KSR2: variants seen among roughly 807,000 people sequenced by gnomAD.
KSR2 encodes kinase suppressor of ras 2.
KSR2 carries 25 observed loss-of-function variants against 107.8 expected under a neutral mutation model. The observed-to-expected ratio is 0.23, with a 90% confidence interval of 0.17 to 0.32. The LOEUF is 0.32. Among genes scored for constraint, KSR2 ranks in the 10% least tolerant of loss-of-function variants. KSR2 has a pLI of 1.00. For missense variants in KSR2, 887 were observed against 1,268.9 expected (o/e 0.70, Z 4.57); for synonymous variants, 480 against 507.0 (o/e 0.95, Z 0.71).
At chr12:117,861,175 C>T (rs1893276385) in intron 1 of KSR2, among the ~76,000 whole-genome samples, 2 of 152,078 alleles carry the variant, frequency 1.3e-5, no homozygotes, top group South Asian at 2.1e-4. Flanking sequence ...GTAGGAGACT[C>T]GTTACATAAA....
chr12:117,698,188 C>T (rs1214314355), intron 4 of KSR2, among the ~76,000 whole-genome samples: 2 of 152,190 alleles, frequency 1.3e-5, no homozygotes, highest in East Asian at 1.9e-4. Flanking sequence ...CAGTAAATTT[C>T]TGTTGTTTAA....
chr12:117,518,436 G>A (rs1429063207), intron 14 of KSR2, among the ~76,000 whole-genome samples: 1 of 152,178 alleles, frequency 6.6e-6, no homozygotes, highest in Non-Finnish European at 1.5e-5. Flanking sequence ...CCCCACATAG[G>A]TGGAAATGGC....
At chr12:117,522,846 C>T (rs980761721) in intron 14 of KSR2, among the ~76,000 whole-genome samples, 2 of 152,146 alleles carry the variant, frequency 1.3e-5, no homozygotes, top group South Asian at 4.1e-4. Context: ...CAGAGCTGAC[C>T]ACAGCCAACT....
At chr12:117,689,121 A>G (rs1379714766) in intron 4 of KSR2, among the ~76,000 whole-genome samples, 4 of 152,224 alleles carry the variant, frequency 2.6e-5, no homozygotes, top group East Asian at 3.8e-4. Flanking sequence ...ATGTCCAAAC[A>G]TTATATAAAT....
rs1042118526 is a variant in KSR2, at chr12:117,531,007, A to T, written c.1736T>A (p.Val579Glu). Residue 579 changes from valine to glutamate, a missense_variant, in exon 12 of 20, where the codon GTG (valine) becomes GAG (glutamate). Val to Glu is a moderately radical substitution (Grantham distance 121). Coordinates refer to ENST00000339824, the MANE Select transcript of KSR2 (RefSeq NM_173598.6). Reference protein sequence around the residue: ...YKQQFIFPDVVPVPETPTRAP... With the variant: ...YKQQFIFPDVEPVPETPTRAP... ...CCGGGTCGGCGTCTCCGGCACCGGC[A>T]CCACATCTGAAAACCAGAGATTGAA... 1 of 1,613,550 alleles carries T rather than the reference A, an allele frequency of 6.2e-7. No homozygotes were observed. The highest frequency in any genetic ancestry group is 2.2e-5 in the East Asian group (1 of 44,848).
At chr12:117,631,762 AT>A (rs1258748244) in intron 5 of KSR2, among the ~76,000 whole-genome samples, 1 of 152,238 alleles carries the variant, frequency 6.6e-6, no homozygotes, top group African/African-American at 2.4e-5. Context: ...GATAATTACC[AT>A]TATTTATCAA....
intron 14 of KSR2, among the ~76,000 whole-genome samples, chr12:117,499,272 C>T (rs1213362098): frequency 6.6e-6 from 1 of 152,194 alleles, no homozygotes; most frequent in East Asian, 1.9e-4. Context: ...GAGGATAGCC[C>T]CCACGGTGTT....
intron 1 of KSR2, among the ~76,000 whole-genome samples, chr12:117,929,752 A>G (rs903040569): frequency 7.2e-5 from 11 of 152,234 alleles, no homozygotes; most frequent in Non-Finnish European, 1.2e-4. Context: ...GAAAGAAGCC[A>G]GACAAAAAAG....
intron 1 of KSR2, among the ~76,000 whole-genome samples, chr12:117,893,766 C>T (rs116910130): frequency 0.013 from 1,937 of 152,208 alleles, 21 homozygotes; most frequent in Admixed American, 0.019. Flanking sequence ...GCCAAGAATA[C>T]GGTAAGGAGA....
At chr12:117,509,309 G>A (rs574450119) in intron 14 of KSR2, among the ~76,000 whole-genome samples, 1 of 152,184 alleles carries the variant, frequency 6.6e-6, no homozygotes, top group Admixed American at 6.5e-5. Context: ...CTGATGGAAG[G>A]CCCAACCCTC....
rs1316408276 is a variant in KSR2, at chr12:117,458,182, T to A, written c.*9017A>T. The stretch of plus-strand genomic sequence containing the variant: ...AAATCTCTGTCAGAGAGGACAGAGG[T>A]TCACTGAATTCCAGACAAACCCAGA... On this transcript the variant is annotated 3_prime_UTR_variant, in exon 20 of 20. Coordinates refer to ENST00000339824, the MANE Select transcript of KSR2 (RefSeq NM_173598.6). 3 of 152,088 alleles carry A rather than the reference T, an allele frequency of 2.0e-5. No homozygotes were observed. The highest frequency in any genetic ancestry group is 7.2e-5 in the African/African-American group (3 of 41,386). The allele number at this position is 152,088 out of a possible 1,614,324, so 9.4% of individuals were successfully genotyped here.
intron 5 of KSR2, among the ~76,000 whole-genome samples, chr12:117,664,361 C>T (rs1884565429): frequency 6.6e-6 from 1 of 152,194 alleles, no homozygotes; most frequent in Non-Finnish European, 1.5e-5. Context: ...AGACCAGAGC[C>T]AGAGCCGACA....
intron 5 of KSR2, among the ~76,000 whole-genome samples, chr12:117,658,822 A>G (rs531454081): frequency 6.6e-6 from 1 of 152,160 alleles, no homozygotes. Flanking sequence ...ACTTCATAGA[A>G]ATGAGGTCAG....
At chr12:117,631,728 C>T (rs980331215) in intron 5 of KSR2, among the ~76,000 whole-genome samples, 5 of 152,074 alleles carry the variant, frequency 3.3e-5, no homozygotes, top group South Asian at 2.1e-4. Flanking sequence ...TAGGAAGAAT[C>T]GAGTGACTTG....
At chr12:117,823,807 A>G (rs1372433570) in intron 3 of KSR2, among the ~76,000 whole-genome samples, 2 of 152,208 alleles carry the variant, frequency 1.3e-5, no homozygotes, top group African/African-American at 4.8e-5. Flanking sequence ...TGCCTGACAT[A>G]TAATTAGGAC....
intron 5 of KSR2, among the ~76,000 whole-genome samples, chr12:117,621,983 T>A (rs985150186): frequency 2.0e-5 from 3 of 152,034 alleles, no homozygotes; most frequent in African/African-American, 7.2e-5. Flanking sequence ...ATGGATGCAT[T>A]TGCACATCCT....
Position 117,582,285 on chromosome 12 carries a change from C to G in KSR2, c.1241+5G>C. On this transcript the variant is annotated splice_donor_5th_base_variant and intron_variant, in intron 6 of 19. Transcript: ENST00000339824. ...GGCACCAGTGCACACAGGAATCCAG[C>G]CTACCTGTGCTTGATGGAGTTGCCG... The G allele has an allele frequency of 6.2e-7, 1 of 1,612,966 alleles. No individual in the cohort carries two copies. Among genetic ancestry groups the G allele is most frequent in the Non-Finnish European group, 8.5e-7 (1 of 1,179,032 alleles).
In KSR2 at chr12:117,525,706, G is replaced by A. The variant is rs965944008; in HGVS notation, c.1852-487C>T. The stretch of plus-strand genomic sequence containing the variant: ...GTGATAAAGTTGACAGGCTAGACAG[G>A]CTAAAACAATGGGTACATCGTGCAT... On this transcript the variant is annotated intron_variant, in intron 13 of 19. Transcript: ENST00000339824. Among the ~76,000 whole-genome samples the A allele has an allele frequency of 1.3e-4, 20 of 152,192 alleles. 2 individuals carry two copies. The highest frequency in any genetic ancestry group is 7.3e-5 in the Non-Finnish European group (5 of 68,030).
intron 1 of KSR2, among the ~76,000 whole-genome samples, chr12:117,920,578 C>T (rs1895311002): frequency 2.0e-5 from 3 of 152,142 alleles, no homozygotes; most frequent in Non-Finnish European, 2.9e-5. Flanking sequence ...AGCTACTTGA[C>T]ATGAATTAAC....
Sources: allele counts gnomAD v4.1 joint callset (sites outside exome capture counted in the v4.1 genomes callset), GRCh38; gene constraint gnomAD v4.1.1; transcripts MANE v1.5; gene names NCBI Gene and HGNC (gene_info 2026-07-23, HGNC 2026-07-21).